LMOD1: variants seen among roughly 807,000 people sequenced by gnomAD.
The protein encoded by LMOD1 is leiomodin-1.
Under a neutral mutation model 36.5 loss-of-function variants are expected in LMOD1, and 8 were observed. The ratio of observed to expected loss-of-function variants is 0.22; its 90% confidence interval spans 0.13 to 0.40. The LOEUF is 0.40. Ranked by LOEUF, LMOD1 falls within the 10% of genes least tolerant of loss-of-function variation. LMOD1 has a pLI of 1.00. For missense variants in LMOD1, 630 were observed against 751.1 expected (o/e 0.84, Z 1.88); for synonymous variants, 284 against 288.7 (o/e 0.98, Z 0.17).
intron 1 of LMOD1, among the ~76,000 whole-genome samples, chr1:201,920,041 CTCTCTTT>C (rs1681675312): frequency 7.8e-6 from 1 of 128,986 alleles, no homozygotes; most frequent in Non-Finnish European, 1.6e-5. Flanking sequence ...CACTGGCTCT[CTCTCTTT>C]TTTTTTTTTT....
At chr1:201,916,821 T>TGAGCAGAG (rs767840287) in intron 1 of LMOD1, among the ~76,000 whole-genome samples, 6 of 152,182 alleles carry the variant, frequency 3.9e-5, no homozygotes, top group African/African-American at 7.2e-5. Context: ...ACATCAGTGC[T>TGAGCAGAG]GAGCAGAGGG....
intron 1 of LMOD1, among the ~76,000 whole-genome samples, chr1:201,923,917 G>A (rs1251076419): frequency 6.8e-6 from 1 of 147,706 alleles, no homozygotes; most frequent in African/African-American, 2.5e-5. Context: ...GGGAGAGAGA[G>A]AGAGAGAGAG....
At chr1:201,923,632 G>A (rs1259430279) in intron 1 of LMOD1, among the ~76,000 whole-genome samples, 2 of 152,052 alleles carry the variant, frequency 1.3e-5, no homozygotes, top group Non-Finnish European at 2.9e-5. Flanking sequence ...AGAGGCCAAC[G>A]GGGGGCAGAT....
At chr1:201,927,587 A>AG (rs1274882458) in intron 1 of LMOD1, among the ~76,000 whole-genome samples, 1 of 135,616 alleles carries the variant, frequency 7.4e-6, no homozygotes, top group East Asian at 2.3e-4. Context: ...AACAAAAAAA[A>AG]CAAAAAAAAA....
chr1:201,903,012 T>C (rs10920274), intron 1 of LMOD1, among the ~76,000 whole-genome samples: 2,258 of 152,284 alleles, frequency 0.015, 50 homozygotes, highest in African/African-American at 0.049. Flanking sequence ...GAAGAGACTA[T>C]GGTTTGAATA....
chr1:201,934,299 C>T (rs1306352049), intron 1 of LMOD1, among the ~76,000 whole-genome samples: 5 of 152,180 alleles, frequency 3.3e-5, no homozygotes. Context: ...CTATGGCTGC[C>T]AGTGCTGTCC....
rs1681300630 is a variant in LMOD1, at chr1:201,901,511, AATATATATATATATATATGTATAT to A, written c.262-784_262-761del. ...GAGCGAAACTCTGTCTCAAAAAAAA[AATATATATATATATATATGTATAT>A]ATATATATATATATATACATATATA... On this transcript the variant is annotated intron_variant, in intron 1 of 2. Transcript: ENST00000367288. Among the ~76,000 whole-genome samples the A allele has an allele frequency of 1.1e-4, 8 of 75,228 alleles. 1 individual carries two copies. Among genetic ancestry groups the A allele is most frequent in the African/African-American group, 1.5e-4 (2 of 13,690 alleles). The allele number at this position is 75,228 out of a possible 152,430, so 49.4% of individuals were successfully genotyped here. A position where few individuals can be genotyped will look rare whatever the true frequency, so the allele number is the denominator to read the frequency against.
chr1:201,922,658 G>A (rs1421596433), intron 1 of LMOD1, among the ~76,000 whole-genome samples: 1 of 151,702 alleles, frequency 6.6e-6, no homozygotes, highest in Non-Finnish European at 1.5e-5. Context: ...AGGTAGTGGT[G>A]TTGTACAACT....
At position 201,913,893 on chromosome 1, in the gene LMOD1, T is replaced by C. The variant is rs1571580115; in HGVS notation, c.262-13142A>G. The stretch of plus-strand genomic sequence containing the variant: ...AATTATACATAAAATGTATAATTTA[T>C]GTAGCTTGTTTATCTATTCATCCAT... On this transcript the variant is annotated intron_variant, in intron 1 of 2. Coordinates refer to ENST00000367288, the MANE Select transcript of LMOD1 (RefSeq NM_012134.3). 2.0e-5 allele frequency among the ~76,000 whole-genome samples: 3 copies of C among 152,226 alleles called. No homozygotes were observed. In the South Asian group the frequency reaches 6.2e-4, roughly 31 times the overall value.
At chr1:201,914,672 C>T (rs576880328) in intron 1 of LMOD1, among the ~76,000 whole-genome samples, 1 of 152,204 alleles carries the variant, frequency 6.6e-6, no homozygotes, top group South Asian at 2.1e-4. Context: ...GGCAATTCTC[C>T]AACTTCCTGC....
At position 201,901,820 on chromosome 1, in the gene LMOD1, A is replaced by G. The variant is rs1040312980; in HGVS notation, c.262-1069T>C. 2.0e-5 allele frequency among the ~76,000 whole-genome samples: 3 copies of G among 148,430 alleles called. No individual in the cohort carries two copies. In the East Asian group the frequency reaches 5.9e-4, roughly 29 times the overall value. On this transcript the variant is annotated intron_variant, in intron 1 of 2. Transcript: ENST00000367288. ...GTCCTGGCCCCTGCTTTTAAGGAGT[A>G]GGCCAATAGTTCTGAGATACAGAAA...
chr1:201,944,460 C>T (rs1342573012), intron 1 of LMOD1, among the ~76,000 whole-genome samples: 2 of 152,164 alleles, frequency 1.3e-5, no homozygotes, highest in Non-Finnish European at 2.9e-5. Context: ...TGGGGAAGAG[C>T]AGAGTCAACG....
intron 1 of LMOD1, among the ~76,000 whole-genome samples, chr1:201,936,096 CAAAAAAAAAAA>C (rs61077548): frequency 1.2e-3 from 86 of 73,140 alleles, no homozygotes; most frequent in South Asian, 5.9e-3. Flanking sequence ...GACCTTGTCT[CAAAAAAAAAAA>C]AAAAAAAAAA....
Position 201,900,716 on chromosome 1 carries a change from C to G in LMOD1, c.297G>C (p.Lys99Asn), listed in dbSNP as rs370429393. 18 of 1,610,456 alleles carry G rather than the reference C, an allele frequency of 1.1e-5. No homozygotes were observed. The highest frequency in any genetic ancestry group is 1.4e-5 in the Non-Finnish European group (17 of 1,178,634). The part of the protein sequence containing the change: ...SKQVETKTDA[K>N]NGEERGRDAS... The stretch of plus-strand genomic sequence containing the variant: ...CATCTCTGCCCCTTTCCTCTCCATT[C>G]TTGGCATCTGTCTTGGTCTCCACTT... Residue 99 changes from lysine (K) to asparagine (N), a missense_variant, in exon 2 of 3, where the codon AAG becomes AAC. Coordinates refer to ENST00000367288, the MANE Select transcript of LMOD1 (RefSeq NM_012134.3).
intron 1 of LMOD1, among the ~76,000 whole-genome samples, chr1:201,918,534 C>A (rs1269122711): frequency 6.6e-6 from 1 of 152,220 alleles, no homozygotes; most frequent in East Asian, 1.9e-4. Context: ...GAGGAACAGC[C>A]ACGCTGGGCT....
chr1:201,907,637 C>A (rs1681432393), intron 1 of LMOD1, among the ~76,000 whole-genome samples: 4 of 152,232 alleles, frequency 2.6e-5, no homozygotes, highest in Admixed American at 2.0e-4. Flanking sequence ...AAGCCTCCCC[C>A]AAACCCACCC....
Position 201,900,416 on chromosome 1 carries a change from G to T in LMOD1, c.597C>A (p.Gly199=). ...TCTTTTTATCCTTGTCCCTGCTCAA[G>T]CCTGTGTTCCTGTCACTCCCTTTCT... ...EEKKGSDRNT[G]LSRDKDKKRE... Residue 199 remains glycine (G), a synonymous_variant, in exon 2 of 3, where the codon GGC becomes GGA. Transcript: ENST00000367288. The T allele has an allele frequency of 6.4e-7, 1 of 1,574,612 alleles. No individual in the cohort carries two copies. The highest frequency in any genetic ancestry group is 8.6e-7 in the Non-Finnish European group (1 of 1,159,564).
Position 201,899,468 on chromosome 1 carries a change from T to C in LMOD1, c.1545A>G (p.Pro515=). 1 of 1,613,928 alleles carries C rather than the reference T, an allele frequency of 6.2e-7. No individual in the cohort carries two copies. Among genetic ancestry groups the C allele is most frequent in the Non-Finnish European group, 8.5e-7 (1 of 1,179,866 alleles). ...AKGSPKPSPQ[P]SPKPSPKNSP... is the part of the protein sequence containing the mutation. ...AGTTCTTTGGAGAGGGCTTTGGAGA[T>C]GGTTGAGGTGAAGGTTTTGGGGAGC... The change falls in exon 2 of 3, where the codon CCA becomes CCG. Residue 515 remains proline (P), a synonymous_variant. Coordinates refer to ENST00000367288, the MANE Select transcript of LMOD1 (RefSeq NM_012134.3). This position sits in a 1 kb window ranked among gnomAD's most constrained non-coding sequence, Gnocchi z 6.3.
chr1:201,924,819 A>G (rs1429742022), intron 1 of LMOD1, among the ~76,000 whole-genome samples: 10 of 152,102 alleles, frequency 6.6e-5, no homozygotes, highest in Admixed American at 6.6e-4. Context: ...CAGGAGTTCA[A>G]GGCTGCAGTG....
Sources: allele counts gnomAD v4.1 joint callset (sites outside exome capture counted in the v4.1 genomes callset), GRCh38; gene constraint gnomAD v4.1.1; non-coding constraint Gnocchi (gnomAD v3.1); transcripts MANE v1.5; gene names NCBI Gene and HGNC (gene_info 2026-07-23, HGNC 2026-07-21).